Variants in MLLT10 observed in about 807,000 individuals in gnomAD.
MLLT10 encodes the protein protein AF-10.
In MLLT10, 30 loss-of-function variants were observed where a neutral mutation model predicts 129.1. The ratio of observed to expected loss-of-function variants is 0.23; its 90% CI spans 0.17 to 0.32. The LOEUF (loss-of-function observed/expected upper bound fraction) is 0.32, where lower values mean the gene tolerates loss of function less well. MLLT10 is among the 10% of genes least tolerant of loss of function. The pLI is 1.00. For synonymous variants in MLLT10, 490 were observed against 446.4 expected, an observed-to-expected ratio of 1.10 and a Z score of -1.23; for missense variants, 1,119 against 1,268.3, an observed-to-expected ratio of 0.88 and a Z score of 1.79.
At chr10:21,740,582 T>C (rs2058746258) in intron 22 of MLLT10, among the ~76,000 whole-genome samples, 1 of 152,194 alleles carries the variant, frequency 6.6e-6, no homozygotes, top group Non-Finnish European at 1.5e-5. Flanking sequence ...AATATTTTTA[T>C]TTTACTCCAA....
rs766203609 is a variant in MLLT10 at position 21,732,885 on chromosome 10, C to CA, written c.2219-11dup. 1 of 1,608,084 alleles carries CA rather than the reference C, an allele frequency of 6.2e-7. No homozygotes were observed. The highest frequency in any genetic ancestry group is 8.5e-7 in the Non-Finnish European group (1 of 1,176,680). On this transcript the variant is annotated splice_polypyrimidine_tract_variant and intron_variant, in intron 17 of 22. Coordinates refer to ENST00000307729, the MANE Select transcript of MLLT10 (RefSeq NM_001195626.3). Reference sequence around the variant, plus strand: ...GTACTTGTCATTATTAAAAACTATCCAAATGTGTGGTAGTTTTAGGAATGC... The same window carrying CA: ...GTACTTGTCATTATTAAAAACTATCCAAAATGTGTGGTAGTTTTAGGAATGC...
intron 9 of MLLT10, among the ~76,000 whole-genome samples, chr10:21,660,143 A>AT (rs973477168): frequency 1.1e-4 from 17 of 151,122 alleles, no homozygotes; most frequent in African/African-American, 3.9e-4. Context: ...TTTTCTTATA[A>AT]TTTTTTGTAG....
chr10:21,630,255 G>A (rs968239655), intron 8 of MLLT10, among the ~76,000 whole-genome samples: 1 of 152,212 alleles, frequency 6.6e-6, no homozygotes, highest in Non-Finnish European at 1.5e-5. Context: ...AGTGGAACTA[G>A]GGAAGGGCTG....
chr10:21,611,028 C>G (rs1160043970), intron 5 of MLLT10, among the ~76,000 whole-genome samples: 1 of 95,492 alleles, frequency 1.0e-5, no homozygotes. Flanking sequence ...TGGAGTTTCT[C>G]TCTTGTTGCC....
chr10:21,567,457 G>T (rs2039713694), intron 3 of MLLT10, among the ~76,000 whole-genome samples: 2 of 152,216 alleles, frequency 1.3e-5, no homozygotes, highest in Admixed American at 6.5e-5. Flanking sequence ...TACCACTCCA[G>T]TAGGGACAGG....
Position 21,670,631 on chromosome 10 carries a change from T to G in MLLT10, c.978T>G (p.Gly326=). 1 of 1,614,158 alleles carries G rather than the reference T, an allele frequency of 6.2e-7. No homozygotes were observed. Residue 326 remains glycine, a synonymous_variant, in exon 10 of 23, where the codon GGT becomes GGG. Coordinates refer to ENST00000307729, the MANE Select transcript of MLLT10 (RefSeq NM_001195626.3). ...AGAAATCTTCAGCTCACAGCTCAGG[T>G]CAAAGGGGAAGAAAGCCTGGTGGTG... ...KGKKSSAHSS[G]QRGRKPGGGR...
At chr10:21,611,691 A>G (rs913346853) in intron 5 of MLLT10, among the ~76,000 whole-genome samples, 11 of 152,096 alleles carry the variant, frequency 7.2e-5, no homozygotes, top group African/African-American at 2.7e-4. Context: ...TTACTTGCAC[A>G]TGGAAAATGG....
intron 14 of MLLT10, 142 bp from the exon 15 acceptor site, chr10:21,726,102 A>G: frequency 1.7e-6 from 1 of 593,958 alleles, no homozygotes; most frequent in Admixed American, 3.0e-5. Flanking sequence ...AACAAGTAAG[A>G]ACGAAATTTG....
chr10:21,604,469 A>C lies in MLLT10; in HGVS notation c.406-7879A>C, dbSNP rs565432839. Among the ~76,000 whole-genome samples the C allele has an allele frequency of 2.0e-5, 3 of 152,308 alleles. No individual in the cohort carries two copies. In the South Asian group the frequency reaches 6.2e-4, roughly 32 times the overall value. The stretch of plus-strand genomic sequence containing the variant: ...GCGAGGTGTAGTGGCACACACCTGT[A>C]GTCCCAGCTACTCGGGTGGCGGAGG... On this transcript the variant is annotated intron_variant, in intron 5 of 22. Transcript: ENST00000307729.
At chr10:21,653,741 A>G (rs923730330) in intron 9 of MLLT10, among the ~76,000 whole-genome samples, 2 of 152,230 alleles carry the variant, frequency 1.3e-5, no homozygotes, top group African/African-American at 2.4e-5. Flanking sequence ...AGATGTATCT[A>G]TTAATATTAG....
Position 21,737,330 on chromosome 10 carries a change from C to T in MLLT10, c.2955+2095C>T, listed in dbSNP as rs78867393. Among the ~76,000 whole-genome samples, 596 of 152,190 alleles carry T rather than the reference C, an allele frequency of 3.9e-3. 4 individuals are homozygous for T. The highest frequency in any genetic ancestry group is 6.8e-3 in the Non-Finnish European group (464 of 68,028). The stretch of plus-strand genomic sequence containing the variant: ...CATATGGGCACCTCAAGACATGTCA[C>T]TTTGGAAAGCAGAGGAAGGGGAAGC... On this transcript the variant is annotated intron_variant, in intron 21 of 22. Transcript: ENST00000307729.
intron 16 of MLLT10, among the ~76,000 whole-genome samples, chr10:21,728,865 A>AT (rs2057721527): frequency 6.9e-6 from 1 of 144,860 alleles, no homozygotes; most frequent in Non-Finnish European, 1.5e-5. Flanking sequence ...CCATGTCTAC[A>AT]ATTTTTTTTT....
chr10:21,539,412 CTTTTTTTTTTT>C (rs370995933), intron 3 of MLLT10, among the ~76,000 whole-genome samples: 2 of 120,714 alleles, frequency 1.7e-5, no homozygotes, highest in African/African-American at 3.0e-5. Flanking sequence ...ACATAAAAAT[CTTTTTTTTTTT>C]TTTTTTTTTA....
chr10:21,674,003 C>T lies in MLLT10; in HGVS notation c.1621+84C>T, dbSNP rs188199822. ...CCCAAAACGTTTTCAACTGTTGTTA[C>T]GATAATACTTGAAATTAATAAATGA... On this transcript the variant is annotated intron_variant, in intron 11 of 22. Transcript: ENST00000307729. The T allele has an allele frequency of 6.2e-5, 63 of 1,010,316 alleles. No homozygotes were observed. In the Admixed American group the frequency reaches 7.4e-4, roughly 12 times the overall value. 62.6% of individuals were successfully genotyped at this position (1,010,316 alleles called of 1,614,324 possible). A position where few individuals can be genotyped will look rare whatever the true frequency, so the allele number is the denominator to read the frequency against.
intron 3 of MLLT10, among the ~76,000 whole-genome samples, chr10:21,553,656 C>CT (rs35195766): frequency 0.031 from 4,275 of 139,936 alleles, 191 homozygotes; most frequent in African/African-American, 0.1. Context: ...TTTTCCTTTT[C>CT]TTTTTTTTTT....
intron 8 of MLLT10, chr10:21,626,218 T>A: frequency 6.3e-7 from 1 of 1,595,118 alleles, no homozygotes; most frequent in Admixed American, 1.7e-5. Flanking sequence ...CAGACAGAGC[T>A]CCTTCTTTAT....
At chr10:21,549,545 C>T (rs1249149971) in intron 3 of MLLT10, among the ~76,000 whole-genome samples, 2 of 152,180 alleles carry the variant, frequency 1.3e-5, no homozygotes, top group South Asian at 2.1e-4. Context: ...AGGGTTATCC[C>T]ATAGTCAAAG....
At chr10:21,550,398 A>G (rs1353492098) in intron 3 of MLLT10, among the ~76,000 whole-genome samples, 1 of 152,148 alleles carries the variant, frequency 6.6e-6, no homozygotes, top group Non-Finnish European at 1.5e-5. Flanking sequence ...TCTTGTCCTT[A>G]TATAGGGAAC....
intron 8 of MLLT10, among the ~76,000 whole-genome samples, chr10:21,630,726 T>A (rs1431069142): frequency 6.6e-6 from 1 of 152,250 alleles, no homozygotes; most frequent in East Asian, 1.9e-4. Context: ...AGGAGTCTTG[T>A]GTCATCTTCT....
Sources: gnomAD v4.1 joint callset for allele counts (sites outside exome capture counted in the v4.1 genomes callset) on GRCh38, gnomAD v4.1.1 for gene constraint, MANE v1.5 for transcripts, NCBI Gene and HGNC (gene_info 2026-07-23, HGNC 2026-07-21) for gene names.